The following ROBO1 variants were observed in gnomAD, a reference collection of about 807,000 sequenced individuals.
ROBO1 encodes the protein roundabout guidance receptor 1, also known as roundabout homolog 1.
In ROBO1, 149 loss-of-function variants were observed where a neutral mutation model predicts 195.9. The observed-to-expected ratio is 0.76, with a 90% CI of 0.67 to 0.87. The LOEUF is 0.87. Ranked by LOEUF, ROBO1 falls within the 40% of genes least tolerant of loss-of-function variation. The pLI is 0.00. For missense variants in ROBO1, 1,933 were observed against 2,068.3 expected (o/e 0.93, Z 1.27); for synonymous variants, 816 against 733.2 (o/e 1.11, Z -1.82).
intron 2 of ROBO1, among the ~76,000 whole-genome samples, chr3:79,171,380 G>A (rs2081162217): frequency 1.4e-5 from 2 of 138,724 alleles, no homozygotes; most frequent in Admixed American, 7.6e-5. Context: ...CACATTAGTA[G>A]CCATGGTGCA....
chr3:79,377,646 T>C (rs1266446202), intron 2 of ROBO1, among the ~76,000 whole-genome samples: 1 of 152,216 alleles, frequency 6.6e-6, no homozygotes, highest in Non-Finnish European at 1.5e-5. Context: ...ATATGTTATT[T>C]TGACCGCATT....
chr3:78,860,697 G>C (rs1020915466), intron 4 of ROBO1, among the ~76,000 whole-genome samples: 7 of 152,006 alleles, frequency 4.6e-5, no homozygotes, highest in African/African-American at 1.7e-4. Context: ...CTCCACCAGA[G>C]GTACATTTTT....
intron 2 of ROBO1, among the ~76,000 whole-genome samples, chr3:79,325,987 T>C (rs1027229294): frequency 2.0e-5 from 3 of 152,130 alleles, no homozygotes; most frequent in Non-Finnish European, 2.9e-5. Context: ...GGTGGGTCTA[T>C]AGATGGCCCC....
At chr3:78,601,310 A>T (rs1483308268) in intron 29 of ROBO1, among the ~76,000 whole-genome samples, 1 of 152,078 alleles carries the variant, frequency 6.6e-6, no homozygotes, top group East Asian at 1.9e-4. Flanking sequence ...TTGCTCCTCT[A>T]TCCTTGCACA....
intron 2 of ROBO1, among the ~76,000 whole-genome samples, chr3:79,342,981 A>C (rs934841394): frequency 6.6e-6 from 1 of 152,100 alleles, no homozygotes; most frequent in Non-Finnish European, 1.5e-5. Flanking sequence ...CTGCCCTAAA[A>C]ATCATCCGGA....
chr3:79,097,855 GT>G (rs896237099), intron 3 of ROBO1, among the ~76,000 whole-genome samples: 4 of 150,900 alleles, frequency 2.7e-5, no homozygotes, highest in Non-Finnish European at 4.4e-5. Flanking sequence ...CCTACATGCA[GT>G]TTTTTTTTAA....
At chr3:79,471,512 A>G (rs989654925) in intron 2 of ROBO1, among the ~76,000 whole-genome samples, 3 of 152,168 alleles carry the variant, frequency 2.0e-5, no homozygotes, top group African/African-American at 2.4e-5. Flanking sequence ...ATGTTAAAGA[A>G]TTATCATATA....
At chr3:78,764,771 C>T (rs2083187549) in intron 4 of ROBO1, among the ~76,000 whole-genome samples, 1 of 152,102 alleles carries the variant, frequency 6.6e-6, no homozygotes, top group Non-Finnish European at 1.5e-5. Context: ...TTCTCAGGCT[C>T]ATGAATTTAG....
chr3:79,650,444 A>T (rs1192749409), intron 1 of ROBO1, among the ~76,000 whole-genome samples: 1 of 151,796 alleles, frequency 6.6e-6, no homozygotes, highest in East Asian at 1.9e-4. Context: ...TATTACATAT[A>T]CTGATATAAT....
intron 1 of ROBO1, among the ~76,000 whole-genome samples, chr3:79,696,471 T>TATAC (rs1947452121): frequency 6.7e-6 from 1 of 149,244 alleles, no homozygotes; most frequent in Non-Finnish European, 1.5e-5. Context: ...TATATATATA[T>TATAC]ACACACACAG....
intron 30 of ROBO1, 148 bp from the exon 31 acceptor site, chr3:78,599,075 T>C: frequency 2.1e-6 from 1 of 476,770 alleles, no homozygotes; most frequent in Non-Finnish European, 3.6e-6. Context: ...TGTCAACTAA[T>C]TCATTCATCA....
chr3:78,637,994 A>G (rs1054433425), intron 22 of ROBO1, among the ~76,000 whole-genome samples: 2,565 of 112,280 alleles, frequency 0.023, 3 homozygotes, highest in African/African-American at 0.05. Flanking sequence ...TGGGGGGGGG[A>G]GGGGTTGTTT....
At chr3:79,259,512 T>C (rs1576888480) in intron 2 of ROBO1, among the ~76,000 whole-genome samples, 1 of 152,272 alleles carries the variant, frequency 6.6e-6, no homozygotes, top group African/African-American at 2.4e-5. Context: ...CATTGTGCTA[T>C]CAAATAGCAG....
intron 4 of ROBO1, among the ~76,000 whole-genome samples, chr3:78,933,081 T>A (rs1467599317): frequency 6.6e-6 from 1 of 152,120 alleles, no homozygotes; most frequent in Non-Finnish European, 1.5e-5. Context: ...GAGCCTATAA[T>A]CTGTTTAACT....
At chr3:78,733,070 C>A (rs530808757) in intron 5 of ROBO1, among the ~76,000 whole-genome samples, 1 of 152,178 alleles carries the variant, frequency 6.6e-6, no homozygotes, top group African/African-American at 2.4e-5. Flanking sequence ...TTGGTTAAAG[C>A]AACTAACCTT....
intron 2 of ROBO1, among the ~76,000 whole-genome samples, chr3:79,300,434 C>T (rs904239525): frequency 4.6e-5 from 7 of 152,228 alleles, no homozygotes; most frequent in Admixed American, 6.5e-5. Context: ...CGATTTCTCA[C>T]TGGGCGTTAG....
chr3:79,491,551 G>A lies in ROBO1; in HGVS notation c.88+98273C>T, dbSNP rs530908630. Among the ~76,000 whole-genome samples, 7 of 152,302 alleles carry A rather than the reference G, an allele frequency of 4.6e-5. No homozygotes were observed. In the East Asian group the frequency reaches 1.2e-3, roughly 25 times the overall value. ...AATTCATGAAATTCTAGAGTGTTCA[G>A]CATGTGCATAAAATCTTTGAGAGCA... On this transcript the variant is annotated intron_variant, in intron 2 of 30. Transcript: ENST00000464233.
intron 2 of ROBO1, among the ~76,000 whole-genome samples, chr3:79,192,946 G>A (rs940727147): frequency 5.9e-5 from 9 of 151,636 alleles, no homozygotes; most frequent in East Asian, 3.9e-4. Flanking sequence ...CCAGAGAGGC[G>A]GTAGCAGAGA....
intron 2 of ROBO1, among the ~76,000 whole-genome samples, chr3:79,444,245 C>T (rs1011444578): frequency 6.6e-6 from 1 of 151,744 alleles, no homozygotes; most frequent in Non-Finnish European, 1.5e-5. Flanking sequence ...ATTAAATTAA[C>T]GCTAATGCTG....
Sources: allele counts gnomAD v4.1 joint callset (sites outside exome capture counted in the v4.1 genomes callset), GRCh38; gene constraint gnomAD v4.1.1; transcripts MANE v1.5; gene names NCBI Gene and HGNC (gene_info 2026-07-23, HGNC 2026-07-21).